Variants in SEMA3A observed in about 807,000 individuals in gnomAD.
The protein encoded by SEMA3A is semaphorin 3A, also known as semaphorin-3A.
In SEMA3A, 29 loss-of-function variants were observed where a neutral mutation model predicts 97.9. That is an observed-to-expected ratio of 0.30 (90% CI 0.22 to 0.40). The LOEUF (loss-of-function observed/expected upper bound fraction) is 0.40. Among genes scored for constraint, SEMA3A ranks in the 10% least tolerant of loss-of-function variants. The pLI, the probability that SEMA3A is intolerant of heterozygous loss-of-function variation, is 1.00. For missense variants in SEMA3A, 763 were observed against 951.3 expected, an observed-to-expected ratio of 0.80 and a Z score of 2.60; for synonymous variants, 321 against 323.7, an observed-to-expected ratio of 0.99 and a Z score of 0.09.
intron 1 of SEMA3A, among the ~76,000 whole-genome samples, chr7:84,141,981 C>T (rs1334797447): frequency 6.6e-6 from 1 of 152,160 alleles, no homozygotes; most frequent in Non-Finnish European, 1.5e-5. Context: ...CCAAGCCCAG[C>T]TCCCATACTT....
At chr7:84,364,222 G>C (rs1042536953) in intron 2 of SEMA3A, among the ~76,000 whole-genome samples, 1 of 151,522 alleles carries the variant, frequency 6.6e-6, no homozygotes, top group African/African-American at 2.4e-5. Context: ...GATTTTTTAA[G>C]AATGTAACTA....
At position 84,064,356 on chromosome 7, in the gene SEMA3A, A is replaced by G. The variant is rs531781888; in HGVS notation, c.454-3798T>C. 4.2e-3 allele frequency among the ~76,000 whole-genome samples: 638 copies of G among 152,276 alleles called. 3 individuals carry two copies. Among genetic ancestry groups the G allele is most frequent in the African/African-American group, 0.015 (617 of 41,508 alleles). ...ACCATCAAGACTAGGAATAAACTGC[A>G]TCAACTAACGAGCAAAATAACCAGG... On this transcript the variant is annotated intron_variant, in intron 4 of 16. Transcript: ENST00000265362.
intron 1 of SEMA3A, among the ~76,000 whole-genome samples, chr7:84,459,386 T>C (rs931921481): frequency 6.6e-6 from 1 of 152,222 alleles, no homozygotes; most frequent in East Asian, 1.9e-4. Context: ...TTTCCTATAA[T>C]ACACCAAAAG....
chr7:84,313,212 C>A (rs1801389191), intron 2 of SEMA3A, among the ~76,000 whole-genome samples: 1 of 144,904 alleles, frequency 6.9e-6, no homozygotes, highest in African/African-American at 2.5e-5. Context: ...AGAAAAGTTC[C>A]AAATTTAAAA....
upstream of SEMA3A, among the ~76,000 whole-genome samples, chr7:84,197,156 A>G (rs1798250955): frequency 6.6e-6 from 1 of 152,118 alleles, no homozygotes; most frequent in Non-Finnish European, 1.5e-5. Context: ...ATGTTGACAC[A>G]TGGAAGTTGG....
At chr7:84,404,470 G>T (rs1369149480) in intron 1 of SEMA3A, among the ~76,000 whole-genome samples, 1 of 152,178 alleles carries the variant, frequency 6.6e-6, no homozygotes, top group East Asian at 1.9e-4. Flanking sequence ...AAAACACTCT[G>T]CAGGATATTA....
chr7:84,447,216 A>G (rs1386553900), intron 1 of SEMA3A, among the ~76,000 whole-genome samples: 1 of 152,122 alleles, frequency 6.6e-6, no homozygotes, highest in African/African-American at 2.4e-5. Context: ...AGGCGCGACC[A>G]ATGGGAGGCT....
intron 1 of SEMA3A, among the ~76,000 whole-genome samples, chr7:84,385,756 G>T (rs1259305283): frequency 6.6e-6 from 1 of 152,126 alleles, no homozygotes; most frequent in African/African-American, 2.4e-5. Context: ...TAATCAATTG[G>T]AAATACATTA....
At chr7:83,993,623 TAAG>T (rs1252783122) in intron 12 of SEMA3A, among the ~76,000 whole-genome samples, 6 of 141,192 alleles carry the variant, frequency 4.2e-5, no homozygotes, top group African/African-American at 1.7e-4. Context: ...TTCTTTTCTT[TAAG>T]AATGTTGAAT....
At chr7:84,294,343 G>A (rs1237820317) in intron 3 of SEMA3A, among the ~76,000 whole-genome samples, 5 of 151,960 alleles carry the variant, frequency 3.3e-5, no homozygotes, top group African/African-American at 9.6e-5. Context: ...TCTCATTACC[G>A]CTGTAGTTGG....
At chr7:84,177,821 C>A (rs1478114615) in intron 1 of SEMA3A, among the ~76,000 whole-genome samples, 3 of 152,046 alleles carry the variant, frequency 2.0e-5, no homozygotes, top group Non-Finnish European at 4.4e-5. Flanking sequence ...TGATTTACTT[C>A]CACCCCTTTA....
chr7:84,482,518 C>G (rs1806472724), intron 1 of SEMA3A, among the ~76,000 whole-genome samples: 1 of 152,064 alleles, frequency 6.6e-6, no homozygotes, highest in East Asian at 1.9e-4. Context: ...ACCCAGGGCC[C>G]TTCCTAAAAA....
At chr7:84,442,335 G>A (rs965282585) in intron 1 of SEMA3A, among the ~76,000 whole-genome samples, 6 of 152,012 alleles carry the variant, frequency 3.9e-5, no homozygotes, top group Admixed American at 1.3e-4. Context: ...AATGGGATGG[G>A]GAGAAGCCTC....
At chr7:84,186,670 T>C (rs1797896364) in intron 1 of SEMA3A, among the ~76,000 whole-genome samples, 1 of 152,118 alleles carries the variant, frequency 6.6e-6, no homozygotes, top group Non-Finnish European at 1.5e-5. Context: ...ATAACTATGA[T>C]TTGTACATAA....
intron 3 of SEMA3A, among the ~76,000 whole-genome samples, chr7:84,257,328 G>A (rs1397872154): frequency 6.6e-6 from 1 of 151,756 alleles, no homozygotes; most frequent in Middle Eastern, 3.4e-3. Context: ...TAACCCATCT[G>A]CAGTTCAGAT....
chr7:84,102,191 T>C (rs1794976803), intron 4 of SEMA3A, among the ~76,000 whole-genome samples: 1 of 152,138 alleles, frequency 6.6e-6, no homozygotes, highest in Non-Finnish European at 1.5e-5. Context: ...CTGTGTGAAT[T>C]TGTGTTAGTG....
At chr7:84,161,027 T>C (rs548101991) in intron 1 of SEMA3A, among the ~76,000 whole-genome samples, 4 of 152,118 alleles carry the variant, frequency 2.6e-5, no homozygotes, top group Non-Finnish European at 4.4e-5. Flanking sequence ...GGATGAAAGG[T>C]TGTTGTTGCA....
chr7:84,268,820 C>G (rs1800074804), intron 3 of SEMA3A, among the ~76,000 whole-genome samples: 1 of 152,136 alleles, frequency 6.6e-6, no homozygotes, highest in South Asian at 2.1e-4. Flanking sequence ...AAATTCACCT[C>G]CCAACTAATC....
At chr7:84,443,367 C>T (rs1805320282) in intron 1 of SEMA3A, among the ~76,000 whole-genome samples, 1 of 152,092 alleles carries the variant, frequency 6.6e-6, no homozygotes, top group Non-Finnish European at 1.5e-5. Flanking sequence ...AAGGTCAAGA[C>T]ACTTTTTAAT....
Sources: gnomAD v4.1 joint callset for allele counts (sites outside exome capture counted in the v4.1 genomes callset) on GRCh38, gnomAD v4.1.1 for gene constraint, MANE v1.5 for transcripts, NCBI Gene and HGNC (gene_info 2026-07-23, HGNC 2026-07-21) for gene names.